Variants in TBCE observed in about 807,000 individuals in gnomAD.
TBCE encodes the protein tubulin folding cofactor E.
TBCE carries 53 observed loss-of-function variants against 77.0 expected under a neutral mutation model. The ratio of observed to expected loss-of-function variants is 0.69; its 90% CI spans 0.55 to 0.87. The LOEUF (loss-of-function observed/expected upper bound fraction) is 0.87, where lower values mean the gene tolerates loss of function less well. TBCE is among the 40% of genes least tolerant of loss of function. TBCE has a pLI of 0.00. For synonymous variants in TBCE, 235 were observed against 241.3 expected (o/e 0.97, Z 0.24); for missense variants, 624 against 622.4 (o/e 1.00, Z -0.03).
At chr1:235,412,502 T>A (rs1240750064) in intron 3 of TBCE, among the ~76,000 whole-genome samples, 1 of 150,860 alleles carries the variant, frequency 6.6e-6, no homozygotes, top group Non-Finnish European at 1.5e-5. Context: ...AATGCTAGGA[T>A]CATAGGGGTG....
intron 5 of TBCE, 143 bp from the exon 6 acceptor site, chr1:235,426,997 T>C (rs1444016530): frequency 7.5e-6 from 5 of 663,436 alleles, no homozygotes; most frequent in Admixed American, 5.0e-5. Context: ...CTTAAAAATA[T>C]TATGTACTCC....
intron 2 of TBCE, among the ~76,000 whole-genome samples, chr1:235,393,923 G>C (rs773284749): frequency 2.7e-4 from 41 of 152,146 alleles, no homozygotes; most frequent in Non-Finnish European, 4.4e-4. Flanking sequence ...TCCTGCCTTT[G>C]ACAGACACAC....
chr1:235,431,472 C>A (rs1051435991), intron 7 of TBCE, among the ~76,000 whole-genome samples: 3 of 151,870 alleles, frequency 2.0e-5, no homozygotes, highest in Admixed American at 6.6e-5. Context: ...AGCGATTCTC[C>A]CACCTCAGCC....
At position 235,409,832 on chromosome 1, in the gene TBCE, C is replaced by T. The variant is rs891348847; in HGVS notation, c.186-4601C>T. On this transcript the variant is annotated intron_variant, in intron 3 of 16. Transcript: ENST00000642610. ...TCACTTGAGGTCAGGAGTTCGAGAC[C>T]ATCCTATCTAACACAGTGAAACCCC... is the stretch of plus-strand genomic sequence containing the variant. Among the ~76,000 whole-genome samples the T allele has an allele frequency of 2.8e-5, 4 of 141,020 alleles. 1 individual carries two copies. In the South Asian group the frequency reaches 9.0e-4, roughly 32 times the overall value. 92.5% of individuals were successfully genotyped at this position (141,020 alleles called of 152,430 possible).
At chr1:235,440,156 G>A (rs561864424) in intron 13 of TBCE, among the ~76,000 whole-genome samples, 1 of 152,240 alleles carries the variant, frequency 6.6e-6, no homozygotes, top group Non-Finnish European at 1.5e-5. Flanking sequence ...ATTTTTAGTA[G>A]GGACGGGGTT....
intron 3 of TBCE, among the ~76,000 whole-genome samples, chr1:235,411,875 A>G (rs1679799757): frequency 6.6e-6 from 1 of 151,868 alleles, no homozygotes; most frequent in African/African-American, 2.4e-5. Context: ...CCCCTTCAGG[A>G]CAAGGGTAGG....
At chr1:235,394,264 C>T (rs1025171234) in intron 2 of TBCE, among the ~76,000 whole-genome samples, 6 of 151,746 alleles carry the variant, frequency 4.0e-5, no homozygotes, top group South Asian at 2.1e-4. Flanking sequence ...TTAGTAGAGA[C>T]GGGGTTTCAC....
chr1:235,380,709 G>A (rs1677585391), intron 2 of TBCE, among the ~76,000 whole-genome samples: 1 of 151,714 alleles, frequency 6.6e-6, no homozygotes, highest in Admixed American at 6.6e-5. Context: ...CCCATTTTTG[G>A]ATGTTAATTT....
chr1:235,421,133 G>C (rs1210960601), intron 5 of TBCE, among the ~76,000 whole-genome samples: 1 of 152,198 alleles, frequency 6.6e-6, no homozygotes, highest in African/African-American at 2.4e-5. Flanking sequence ...TTAAGGATGG[G>C]CATGGTGGCT....
At chr1:235,385,631 G>T (rs913347488) in intron 2 of TBCE, among the ~76,000 whole-genome samples, 3 of 152,096 alleles carry the variant, frequency 2.0e-5, no homozygotes, top group African/African-American at 7.2e-5. Context: ...CAGAGACTAG[G>T]ATTGCAACCC....
intron 1 of TBCE, among the ~76,000 whole-genome samples, chr1:235,377,913 A>C (rs1383323307): frequency 6.6e-6 from 1 of 152,008 alleles, no homozygotes; most frequent in African/African-American, 2.4e-5. Context: ...GGCCTCTCAA[A>C]GTGCTGGGAT....
Position 235,397,083 on chromosome 1 carries a change from T to A in TBCE, c.101-4420T>A, listed in dbSNP as rs373856864. 2.0e-5 allele frequency among the ~76,000 whole-genome samples: 3 copies of A among 152,208 alleles called. No individual in the cohort carries two copies. The South Asian group carries it at 6.2e-4, about 32-fold the overall frequency. ...TCCACCGCCCTGGCTCAAGCGATTC[T>A]TTTGCCTTAGCCTTCCGAGTAGCTG... is the stretch of plus-strand genomic sequence containing the variant. On this transcript the variant is annotated intron_variant, in intron 2 of 16. Coordinates refer to ENST00000642610, the MANE Select transcript of TBCE (RefSeq NM_003193.5).
At chr1:235,367,650 G>C (rs1025690112) in intron 1 of TBCE, 146 bp downstream of exon 1, 1 of 152,550 alleles carries the variant, frequency 6.6e-6, no homozygotes, top group African/African-American at 2.4e-5. Context: ...GCTGGGAGGC[G>C]GTCCAGCCGG....
chr1:235,406,554 C>T (rs956627502), intron 3 of TBCE, among the ~76,000 whole-genome samples: 1 of 152,154 alleles, frequency 6.6e-6, no homozygotes, highest in East Asian at 1.9e-4. Context: ...GTTTTTGAGA[C>T]GGAGTCTCAC....
At chr1:235,424,716 G>A (rs1446829603) in intron 5 of TBCE, among the ~76,000 whole-genome samples, 2 of 151,942 alleles carry the variant, frequency 1.3e-5, no homozygotes, top group Non-Finnish European at 2.9e-5. Flanking sequence ...TGTTGGTCAG[G>A]CTGGTCTCGA....
At chr1:235,425,904 C>CCA (rs1198981009) in intron 5 of TBCE, among the ~76,000 whole-genome samples, 1 of 152,182 alleles carries the variant, frequency 6.6e-6, no homozygotes, top group African/African-American at 2.4e-5. Flanking sequence ...TATAGAACAG[C>CCA]CACACACCTT....
At chr1:235,444,954 C>A (rs1430470556) in intron 15 of TBCE, among the ~76,000 whole-genome samples, 2 of 152,232 alleles carry the variant, frequency 1.3e-5, no homozygotes, top group African/African-American at 4.8e-5. Context: ...GGTGACAGTG[C>A]CGCCTTACCC....
chr1:235,443,165 TACACAC>T (rs759694992), intron 15 of TBCE, among the ~76,000 whole-genome samples: 3 of 148,386 alleles, frequency 2.0e-5, no homozygotes, highest in Non-Finnish European at 4.5e-5. Flanking sequence ...TGCATATAAT[TACACAC>T]ACACACACAC....
Position 235,380,946 on chromosome 1 carries a change from C to T in TBCE, c.100+797C>T, listed in dbSNP as rs143322181. On this transcript the variant is annotated intron_variant, in intron 2 of 16. Coordinates refer to ENST00000642610, the MANE Select transcript of TBCE (RefSeq NM_003193.5). ...GATTTCAGGCATGTGCCACCACACC[C>T]GACTAATTTTGAATTTTTAGGGGAG... is the stretch of plus-strand genomic sequence containing the variant. 5.5e-3 allele frequency among the ~76,000 whole-genome samples: 842 copies of T among 152,166 alleles called. 8 individuals carry two copies. The highest frequency in any genetic ancestry group is 0.019 in the African/African-American group (807 of 41,530).
Sources: allele counts gnomAD v4.1 joint callset (sites outside exome capture counted in the v4.1 genomes callset), GRCh38; gene constraint gnomAD v4.1.1; transcripts MANE v1.5; gene names NCBI Gene and HGNC (gene_info 2026-07-23, HGNC 2026-07-21).